Variants in KLRG1 observed in about 807,000 individuals in gnomAD.
KLRG1 encodes the protein killer cell lectin like receptor G1.
KLRG1 carries 16 observed loss-of-function variants against 21.8 expected under a neutral mutation model. The ratio of observed to expected loss-of-function variants is 0.73; its 90% CI spans 0.50 to 1.11. The LOEUF (loss-of-function observed/expected upper bound fraction) is 1.11. Among genes scored for constraint, KLRG1 ranks in the 50% most tolerant of loss-of-function variants. KLRG1 has a pLI of 0.00. For missense variants in KLRG1, 173 were observed against 218.3 expected (o/e 0.79, Z 1.31); for synonymous variants, 69 against 75.9 (o/e 0.91, Z 0.47).
At chr12:9,038,086 C>A in the KLRG1 span, among the ~76,000 whole-genome samples, 1 of 152,140 alleles carries the variant, frequency 6.6e-6, no homozygotes. Flanking sequence ...CAGTGGGAAC[C>A]CCCAATCCTT....
chr12:9,091,174 T>C, the KLRG1 span: 19 of 1,603,102 alleles, frequency 1.2e-5, no homozygotes, highest in Non-Finnish European at 1.5e-5. Context: ...GGCTACCTTG[T>C]ATTTAATTTA....
chr12:9,023,719 C>G, the KLRG1 span, among the ~76,000 whole-genome samples: 3 of 151,754 alleles, frequency 2.0e-5, no homozygotes, highest in Admixed American at 6.6e-5. Flanking sequence ...CCATGCCTGG[C>G]CAATTAAAAA....
intron 3 of KLRG1, among the ~76,000 whole-genome samples, chr12:8,999,268 G>C (rs961027979): frequency 2.0e-5 from 3 of 152,070 alleles, no homozygotes; most frequent in Admixed American, 2.0e-4. Flanking sequence ...TTGTTAGCCT[G>C]GTTCCTTATA....
chr12:9,078,611 G>A, the KLRG1 span, among the ~76,000 whole-genome samples: 4 of 152,094 alleles, frequency 2.6e-5, no homozygotes, highest in African/African-American at 9.7e-5. Flanking sequence ...TTGAAGAATC[G>A]CCATACTGTC....
the KLRG1 span, chr12:9,197,074 T>C: frequency 1.2e-6 from 2 of 1,613,704 alleles, no homozygotes; most frequent in Non-Finnish European, 1.7e-6. Context: ...GATAATTTTC[T>C]ACACAGGCTC....
the KLRG1 span, among the ~76,000 whole-genome samples, chr12:9,178,649 CA>C: frequency 6.6e-6 from 1 of 152,268 alleles, no homozygotes; most frequent in South Asian, 2.1e-4. Flanking sequence ...TCTCAAACTA[CA>C]AAAATTATGG....
chr12:9,011,912 G>A (rs1460618112), downstream of KLRG1, among the ~76,000 whole-genome samples: 1 of 152,204 alleles, frequency 6.6e-6, no homozygotes, highest in African/African-American at 2.4e-5. Context: ...AGTGCCCACA[G>A]AGGGAGCATT....
intron 3 of KLRG1, among the ~76,000 whole-genome samples, chr12:9,008,536 G>C (rs1293193889): frequency 1.3e-5 from 2 of 152,208 alleles, no homozygotes; most frequent in Non-Finnish European, 2.9e-5. Context: ...TTGAACAACA[G>C]ATGTTTCTCT....
the KLRG1 span, chr12:9,194,313 T>C: frequency 2.8e-6 from 4 of 1,409,794 alleles, no homozygotes; most frequent in Non-Finnish European, 3.9e-6. Flanking sequence ...ACAAATGCTT[T>C]TGCTGCTATA....
intron 1 of KLRG1, among the ~76,000 whole-genome samples, chr12:8,950,839 A>C (rs1946187968): frequency 6.6e-6 from 1 of 152,140 alleles, no homozygotes; most frequent in African/African-American, 2.4e-5. Flanking sequence ...AGTAAATTAA[A>C]GCAGATAGAA....
At chr12:9,153,060 CAG>C in the KLRG1 span, 1 of 1,606,530 alleles carries the variant, frequency 6.2e-7, no homozygotes, top group South Asian at 1.1e-5. Flanking sequence ...AAGGAAGGAA[CAG>C]AGTTTCCATT....
chr12:9,057,637 T>C, the KLRG1 span: 3 of 152,750 alleles, frequency 2.0e-5, no homozygotes, highest in Admixed American at 1.3e-4. Flanking sequence ...ATAGTAATCA[T>C]AGGCTTTCAC....
the KLRG1 span, chr12:9,058,808 C>G: frequency 1.3e-5 from 2 of 152,832 alleles, no homozygotes; most frequent in Admixed American, 1.3e-4. Flanking sequence ...GGGGCCCCAC[C>G]TGGTCCACAG....
the KLRG1 span, chr12:9,154,467 T>C: frequency 3.6e-5 from 29 of 810,606 alleles, no homozygotes; most frequent in African/African-American, 5.0e-4. Context: ...TCTTAAGTCT[T>C]TCCTTTAAAT....
At chr12:9,142,833 G>T in the KLRG1 span, among the ~76,000 whole-genome samples, 1 of 152,178 alleles carries the variant, frequency 6.6e-6, no homozygotes, top group Non-Finnish European at 1.5e-5. Flanking sequence ...AATTCCAGGG[G>T]TTCCACAACG....
At chr12:8,953,010 C>T (rs941465613) in intron 1 of KLRG1, among the ~76,000 whole-genome samples, 4 of 151,022 alleles carry the variant, frequency 2.6e-5, no homozygotes, top group Non-Finnish European at 5.9e-5. Context: ...TTTTCTCGGT[C>T]ACTTTGCCAA....
chr12:9,009,387 A>C (rs745747801), intron 4 of KLRG1, 39 bp from the exon 5 acceptor site: 8 of 1,610,970 alleles, frequency 5.0e-6, no homozygotes, highest in Admixed American at 1.7e-5. Flanking sequence ...TTTTCTGTGC[A>C]TGCGGCCTTA....
At chr12:9,114,863 A>G in the KLRG1 span, among the ~76,000 whole-genome samples, 2,057 of 152,288 alleles carry the variant, frequency 0.014, 43 homozygotes, top group African/African-American at 0.045. Flanking sequence ...AAATACTTGT[A>G]TATAACTGAT....
At chr12:9,031,496 G>A in the KLRG1 span, among the ~76,000 whole-genome samples, 1 of 152,072 alleles carries the variant, frequency 6.6e-6, no homozygotes, top group East Asian at 1.9e-4. Context: ...CTCTGGTTTC[G>A]GGCAACTCTT....
Sources: allele counts gnomAD v4.1 joint callset (sites outside exome capture counted in the v4.1 genomes callset), GRCh38; gene constraint gnomAD v4.1.1; transcripts MANE v1.5; gene names NCBI Gene and HGNC (gene_info 2026-07-23, HGNC 2026-07-21).